Variants in TET2 observed in about 807,000 individuals in gnomAD.
TET2 encodes the protein tet methylcytosine dioxygenase 2, also known as methylcytosine dioxygenase TET2.
TET2 carries 299 observed loss-of-function variants against 142.9 expected under a neutral mutation model. That is an observed-to-expected ratio of 2.09 (90% confidence interval 1.90 to 2.30). The LOEUF (loss-of-function observed/expected upper bound fraction) is 2.30. TET2 is among the 30% of genes most tolerant of loss of function. The pLI is 0.00. For synonymous variants in TET2, 819 were observed against 849.0 expected (o/e 0.96, Z 0.61); for missense variants, 2,418 against 2,378.0 (o/e 1.02, Z -0.35).
chr4:105,201,907 AATTTTTTGT>A (rs1726500620), intron 2 of TET2, among the ~76,000 whole-genome samples: 1 of 151,462 alleles, frequency 6.6e-6, no homozygotes, highest in African/African-American at 2.4e-5. Flanking sequence ...ACCCCTGGCT[AATTTTTTGT>A]ATTTTTTGTA....
chr4:105,217,690 G>A (rs979586273), intron 2 of TET2, among the ~76,000 whole-genome samples: 3 of 151,998 alleles, frequency 2.0e-5, no homozygotes, highest in Non-Finnish European at 4.4e-5. Flanking sequence ...CTTGAGCACA[G>A]AACTTTATTT....
chr4:105,276,845 C>CCG lies in TET2; in HGVS notation c.*327_*328insGC, dbSNP rs1560575234. On this transcript the variant is annotated 3_prime_UTR_variant, in exon 11 of 11. Coordinates refer to ENST00000380013, the MANE Select transcript of TET2 (RefSeq NM_001127208.3). The stretch of plus-strand genomic sequence containing the variant: ...GATGATATGTAAATGTGATCCCCCC[C>CCG]CCCCGCTTACAACTCTACACATCTG... 1.4e-5 allele frequency: 3 copies of CCG among 212,950 alleles called. No homozygotes were observed. Among genetic ancestry groups the CCG allele is most frequent in the African/African-American group, 2.6e-5 (1 of 38,302 alleles). 13.2% of individuals were successfully genotyped at this position (212,950 alleles called of 1,614,324 possible).
chr4:105,254,561 G>A (rs889976904), intron 6 of TET2, among the ~76,000 whole-genome samples: 1 of 152,022 alleles, frequency 6.6e-6, no homozygotes, highest in Non-Finnish European at 1.5e-5. Flanking sequence ...ACAGGCACAT[G>A]CCACCATGCC....
Position 105,236,237 on chromosome 4 carries a change from C to T in TET2, c.2295C>T (p.Ser765=). 6.2e-7 allele frequency: 1 copy of T among 1,614,072 alleles called. No homozygotes were observed. The highest frequency in any genetic ancestry group is 8.5e-7 in the Non-Finnish European group (1 of 1,180,012). The change falls in exon 3 of 11, where the codon AGC becomes AGT. Residue 765 remains serine, a synonymous_variant. Coordinates refer to ENST00000380013, the MANE Select transcript of TET2 (RefSeq NM_001127208.3). The part of the protein sequence containing the change: ...EILQTFPHPQ[S]NNDQQREGSF... ...TCCAGACTTTTCCTCACCCCCAAAG[C>T]AACAATGATCAGCAAAGAGAAGGAT...
rs1730334598 is a variant in TET2 at position 105,259,824 on chromosome 4, C to T, written c.3954+55C>T. On this transcript the variant is annotated intron_variant, in intron 7 of 10. Coordinates refer to ENST00000380013, the MANE Select transcript of TET2 (RefSeq NM_001127208.3). The stretch of plus-strand genomic sequence containing the variant: ...TTATTTTTCATAGAGAATTCATTAG[C>T]TTAGATGAAGTGAACAATATGACAT... The T allele has an allele frequency of 5.3e-6, 8 of 1,507,816 alleles. No individual in the cohort carries two copies. The East Asian group carries it at 2.0e-4, about 37-fold the overall frequency. 93.4% of individuals were successfully genotyped at this position (1,507,816 alleles called of 1,614,324 possible). A position where few individuals can be genotyped will look rare whatever the true frequency, so the allele number is the denominator to read the frequency against.
intron 9 of TET2, 135 bp downstream of exon 9, chr4:105,269,882 T>C (rs994157610): frequency 5.5e-6 from 6 of 1,081,302 alleles, no homozygotes; most frequent in Non-Finnish European, 7.9e-6. Flanking sequence ...TGTGGAGGCC[T>C]CACAATCATA....
At chr4:105,165,317 A>G (rs1040172426) in intron 1 of TET2, among the ~76,000 whole-genome samples, 7 of 152,200 alleles carry the variant, frequency 4.6e-5, no homozygotes, top group Non-Finnish European at 1.5e-5. Flanking sequence ...CAGAGGTTGC[A>G]GTGAGCTGAG....
At chr4:105,152,831 A>G (rs1415395933) in intron 1 of TET2, among the ~76,000 whole-genome samples, 3 of 152,110 alleles carry the variant, frequency 2.0e-5, no homozygotes, top group African/African-American at 4.8e-5. Flanking sequence ...TCCTGGTCTC[A>G]GGTGATCTGC....
At chr4:105,207,971 A>G (rs1029074521) in intron 2 of TET2, among the ~76,000 whole-genome samples, 1 of 152,154 alleles carries the variant, frequency 6.6e-6, no homozygotes, top group African/African-American at 2.4e-5. Flanking sequence ...TCCATTTTGG[A>G]TAAGTTGAAT....
At chr4:105,260,136 G>C (rs994726468) in intron 7 of TET2, among the ~76,000 whole-genome samples, 1 of 148,912 alleles carries the variant, frequency 6.7e-6, no homozygotes, top group Non-Finnish European at 1.5e-5. Flanking sequence ...TATGTGCAAT[G>C]AGATTCAAAT....
intron 1 of TET2, among the ~76,000 whole-genome samples, chr4:105,188,203 T>A (rs941547936): frequency 6.6e-6 from 1 of 152,192 alleles, no homozygotes; most frequent in Admixed American, 6.5e-5. Context: ...GGAAGAAAAT[T>A]CTGACACATG....
intron 2 of TET2, among the ~76,000 whole-genome samples, chr4:105,208,482 C>A (rs1168327568): frequency 6.6e-6 from 1 of 152,130 alleles, no homozygotes; most frequent in African/African-American, 2.4e-5. Context: ...TTATTTTCAT[C>A]ATCTAATTAT....
At chr4:105,220,013 TTTG>T (rs1431551736) in intron 2 of TET2, among the ~76,000 whole-genome samples, 1 of 152,164 alleles carries the variant, frequency 6.6e-6, no homozygotes, top group Admixed American at 6.6e-5. Flanking sequence ...ATTTATCTCT[TTTG>T]TTCAGTGGTG....
At position 105,276,794 on chromosome 4, in the gene TET2, T is replaced by G; in HGVS notation, c.*275T>G. On this transcript the variant is annotated 3_prime_UTR_variant, in exon 11 of 11. Transcript: ENST00000380013. ...GAAAGTGTTCCGCAATTTACATTTT[T>G]AAACACTGGTTCTATTATTGGACGA... 1 of 364,084 alleles carries G rather than the reference T, an allele frequency of 2.7e-6. No individual in the cohort carries two copies. Among genetic ancestry groups the G allele is most frequent in the Non-Finnish European group, 5.1e-6 (1 of 197,908 alleles). The allele number at this position is 364,084 out of a possible 1,614,324, so 22.6% of individuals were successfully genotyped here.
chr4:105,245,783 A>G (rs935976099), intron 6 of TET2, among the ~76,000 whole-genome samples: 1 of 152,202 alleles, frequency 6.6e-6, no homozygotes, highest in African/African-American at 2.4e-5. Flanking sequence ...GAACTCAGTA[A>G]TACTGCATTG....
Position 105,242,866 on chromosome 4 carries a change from A to G in TET2, c.3533A>G (p.Glu1178Gly). ...FGQKGKAIRI[E>G]RVIYTGKEGK... is the part of the protein sequence containing the mutation. ...CAGAAGGGTAAAGCTATTAGGATTG[A>G]AAGAGTCATCTATACTGGTAAAGAA... is the stretch of plus-strand genomic sequence containing the variant. The change falls in exon 5 of 11, where the codon GAA becomes GGA. Residue 1178 changes from glutamate (E) to glycine (G), a missense_variant. Coordinates refer to ENST00000380013, the MANE Select transcript of TET2 (RefSeq NM_001127208.3). The G allele has an allele frequency of 6.4e-7, 1 of 1,551,436 alleles. No individual in the cohort carries two copies. The highest frequency in any genetic ancestry group is 8.7e-7 in the Non-Finnish European group (1 of 1,146,860).
At chr4:105,240,197 T>C (rs1215549585) in intron 3 of TET2, 19 of 267,926 alleles carry the variant, frequency 7.1e-5, no homozygotes, top group Non-Finnish European at 1.3e-4. Flanking sequence ...GAGCACATGC[T>C]GTTGAAAAAA....
rs766877964 is a variant in TET2, at chr4:105,229,311, G to A, written c.-46-4586G>A. On this transcript the variant is annotated intron_variant, in intron 2 of 10. Coordinates refer to ENST00000380013, the MANE Select transcript of TET2 (RefSeq NM_001127208.3). ...ACTTTGTTTTCTTTGTCCAATATGAGTTATAACTTTATTTTTTTGAGACAG... is the reference window on the plus strand; with the variant it reads ...ACTTTGTTTTCTTTGTCCAATATGAATTATAACTTTATTTTTTTGAGACAG... Among the ~76,000 whole-genome samples the A allele has an allele frequency of 1.5e-4, 23 of 152,230 alleles. No individual in the cohort carries two copies. In the South Asian group the frequency reaches 3.1e-3, roughly 21 times the overall value.
At chr4:105,160,741 CA>C (rs1415784982) in intron 1 of TET2, among the ~76,000 whole-genome samples, 10 of 151,952 alleles carry the variant, frequency 6.6e-5, no homozygotes, top group Non-Finnish European at 8.8e-5. Flanking sequence ...AACCAAGCAC[CA>C]AATCTGTTTT....
Sources: allele counts gnomAD v4.1 joint callset (sites outside exome capture counted in the v4.1 genomes callset), GRCh38; gene constraint gnomAD v4.1.1; transcripts MANE v1.5; gene names NCBI Gene and HGNC (gene_info 2026-07-23, HGNC 2026-07-21).